Variants in ST8SIA2 observed in about 807,000 individuals in gnomAD.
ST8SIA2 encodes ST8 alpha-N-acetyl-neuraminide alpha-2,8-sialyltransferase 2.
A neutral mutation model predicts 37.6 loss-of-function variants in ST8SIA2; 22 were observed. The observed-to-expected ratio is 0.58, with a 90% confidence interval of 0.42 to 0.83. ST8SIA2 has a LOEUF of 0.83. Among genes scored for constraint, ST8SIA2 ranks in the 40% least tolerant of loss-of-function variants. The pLI, the probability that ST8SIA2 is intolerant of heterozygous loss-of-function variation, is 0.00. For synonymous variants in ST8SIA2, 205 were observed against 201.2 expected (o/e 1.02, Z -0.16); for missense variants, 382 against 484.7 (o/e 0.79, Z 1.99).
chr15:92,451,827 G>A (rs2049884252), intron 5 of ST8SIA2, among the ~76,000 whole-genome samples: 1 of 152,132 alleles, frequency 6.6e-6, no homozygotes, highest in Admixed American at 6.5e-5. Context: ...TCCCACGGCT[G>A]GTTAGGGACA....
At chr15:92,444,399 AT>A (rs1339904322) in intron 4 of ST8SIA2, among the ~76,000 whole-genome samples, 2 of 152,194 alleles carry the variant, frequency 1.3e-5, no homozygotes, top group East Asian at 3.8e-4. Context: ...GAAGACAGGC[AT>A]TTACATCCAC....
intron 1 of ST8SIA2, among the ~76,000 whole-genome samples, chr15:92,394,468 G>T (rs1482594071): frequency 6.6e-6 from 1 of 152,130 alleles, no homozygotes; most frequent in Non-Finnish European, 1.5e-5. Context: ...GCGCAGTGTC[G>T]CCGGGGTCGA....
intron 1 of ST8SIA2, among the ~76,000 whole-genome samples, chr15:92,409,770 G>A (rs886236749): frequency 1.3e-5 from 2 of 152,326 alleles, no homozygotes; most frequent in Middle Eastern, 3.4e-3. Flanking sequence ...GGAAAAAGGC[G>A]TCAGGACGGT....
At chr15:92,442,832 G>T (rs2049813088) in intron 4 of ST8SIA2, among the ~76,000 whole-genome samples, 1 of 152,194 alleles carries the variant, frequency 6.6e-6, no homozygotes, top group Admixed American at 6.5e-5. Flanking sequence ...AGGGGGTTCA[G>T]TCTGAAATCA....
intron 1 of ST8SIA2, among the ~76,000 whole-genome samples, chr15:92,401,332 G>A (rs72655696): frequency 0.091 from 13,909 of 152,224 alleles, 784 homozygotes; most frequent in South Asian, 0.15. Flanking sequence ...GTCCTTAAGC[G>A]TTGAGATTAG....
At chr15:92,416,466 C>A (rs951478314) in intron 1 of ST8SIA2, among the ~76,000 whole-genome samples, 1 of 151,896 alleles carries the variant, frequency 6.6e-6, no homozygotes, top group African/African-American at 2.4e-5. Context: ...GGAAAACCGG[C>A]GCGTGCAAAG....
intron 1 of ST8SIA2, among the ~76,000 whole-genome samples, chr15:92,420,627 G>A (rs3784738): frequency 0.55 from 83,982 of 151,978 alleles, 23,922 homozygotes; most frequent in East Asian, 0.7. Flanking sequence ...TCAAGCTAAT[G>A]TTTAAATTGA....
In ST8SIA2 at chr15:92,438,396, G is replaced by A. The variant is rs1171463172; in HGVS notation, c.334G>A (p.Val112Ile). ...KFLDAEKDISVLKGTLKPGDI... is the reference protein window; with the variant it reads ...KFLDAEKDISILKGTLKPGDI... The stretch of plus-strand genomic sequence containing the variant: ...CTTGGATGCTGAAAAGGACATTTCT[G>A]TCCTAAAGGGAACCCTGAAGCCTGG... Residue 112 changes from valine (V) to isoleucine (I), a missense_variant, in exon 4 of 6, where the codon GTC becomes ATC. Physicochemically the swap from Val to Ile is conservative, Grantham distance 29 (BLOSUM62 3). Transcript: ENST00000268164. 3 of 1,614,192 alleles carry A rather than the reference G, an allele frequency of 1.9e-6. No homozygotes were observed. Among genetic ancestry groups the A allele is most frequent in the Non-Finnish European group, 2.5e-6 (3 of 1,180,046 alleles).
At chr15:92,436,670 A>C (rs1037024054) in intron 3 of ST8SIA2, among the ~76,000 whole-genome samples, 1 of 152,150 alleles carries the variant, frequency 6.6e-6, no homozygotes, top group East Asian at 1.9e-4. Context: ...TTAGTTTGTC[A>C]AGTCATATAA....
intron 1 of ST8SIA2, among the ~76,000 whole-genome samples, chr15:92,400,705 A>G (rs1229680236): frequency 6.6e-6 from 1 of 152,158 alleles, no homozygotes; most frequent in Non-Finnish European, 1.5e-5. Flanking sequence ...TTGGTTCTCC[A>G]GAGAGCCCTT....
intron 1 of ST8SIA2, chr15:92,422,769 C>T (rs1057127544): frequency 6.6e-6 from 1 of 152,638 alleles, no homozygotes; most frequent in South Asian, 2.1e-4. Flanking sequence ...ACAACAAATT[C>T]AAAAAGCTCC....
At chr15:92,437,625 A>C (rs2141833702) in intron 3 of ST8SIA2, among the ~76,000 whole-genome samples, 1 of 152,066 alleles carries the variant, frequency 6.6e-6, no homozygotes, top group South Asian at 2.1e-4. Context: ...ACCAGCTTGC[A>C]GGATGGCAGG....
intron 5 of ST8SIA2, among the ~76,000 whole-genome samples, chr15:92,463,279 A>C (rs3784721): frequency 0.1 from 15,191 of 152,250 alleles, 1,106 homozygotes; most frequent in East Asian, 0.33. Context: ...GACTTGAGGC[A>C]GGAAGCGGGG....
chr15:92,425,929 T>C (rs1425043414), intron 1 of ST8SIA2, among the ~76,000 whole-genome samples: 3 of 151,992 alleles, frequency 2.0e-5, no homozygotes, highest in Non-Finnish European at 4.4e-5. Context: ...TTGCTGTCTC[T>C]AGAAATCAGC....
At chr15:92,415,583 C>T (rs2141815368) in intron 1 of ST8SIA2, among the ~76,000 whole-genome samples, 1 of 151,606 alleles carries the variant, frequency 6.6e-6, no homozygotes, top group African/African-American at 2.4e-5. Context: ...GCCCCCACAA[C>T]AAGAGGACAC....
intron 1 of ST8SIA2, among the ~76,000 whole-genome samples, chr15:92,407,011 AAAG>A (rs2049512998): frequency 6.6e-6 from 1 of 150,526 alleles, no homozygotes; most frequent in Non-Finnish European, 1.5e-5. Context: ...AAAAAAAAGA[AAAG>A]AAAAAAAAAA....
intron 4 of ST8SIA2, among the ~76,000 whole-genome samples, chr15:92,439,633 C>T (rs1367484368): frequency 6.6e-6 from 1 of 152,158 alleles, no homozygotes; most frequent in Non-Finnish European, 1.5e-5. Flanking sequence ...GGGAAGAAAC[C>T]GTGTCTTTAC....
In ST8SIA2 at chr15:92,401,911, G is replaced by GA. The variant is rs35704397; in HGVS notation, c.98+7763dup. On this transcript the variant is annotated intron_variant, in intron 1 of 5. Transcript: ENST00000268164. ...AGGAGTGGTGATCTGAAAGGAGCCAGAAAAAAAAAAAAAAGTGCAATGTAG... is the reference window on the plus strand; with the variant it reads ...AGGAGTGGTGATCTGAAAGGAGCCAGAAAAAAAAAAAAAAAGTGCAATGTAG... Among the ~76,000 whole-genome samples, 277 of 140,478 alleles carry GA rather than the reference G, an allele frequency of 2.0e-3. 2 individuals carry two copies. The highest frequency in any genetic ancestry group is 0.013 in the East Asian group (62 of 4,844). The allele number at this position is 140,478 out of a possible 152,430, so 92.2% of individuals were successfully genotyped here.
chr15:92,441,104 G>A (rs2049798232), intron 4 of ST8SIA2, among the ~76,000 whole-genome samples: 1 of 152,170 alleles, frequency 6.6e-6, no homozygotes, highest in Non-Finnish European at 1.5e-5. Context: ...GCCAATCCAA[G>A]TCTTCAATCC....
Sources: allele counts gnomAD v4.1 joint callset (sites outside exome capture counted in the v4.1 genomes callset), GRCh38; gene constraint gnomAD v4.1.1; transcripts MANE v1.5; gene names NCBI Gene and HGNC (gene_info 2026-07-23, HGNC 2026-07-21).